VAMP1: variants seen among roughly 807,000 people sequenced by gnomAD.
VAMP1 encodes vesicle associated membrane protein 1.
VAMP1 carries 16 observed loss-of-function variants against 19.1 expected under a neutral mutation model. That is an observed-to-expected ratio of 0.84 (90% CI 0.57 to 1.27). The LOEUF (loss-of-function observed/expected upper bound fraction) is 1.27, where lower values mean the gene tolerates loss of function less well. Among genes scored for constraint, VAMP1 ranks in the 50% most tolerant of loss-of-function variants. The probability of loss-of-function intolerance (pLI) is 0.00; values close to 1 mark genes in which losing one functional copy is unlikely to be tolerated. For missense variants in VAMP1, 109 were observed against 145.4 expected (o/e 0.75, Z 1.29); for synonymous variants, 37 against 50.2 (o/e 0.74, Z 1.11).
Position 6,462,983 on chromosome 12 carries a change from G to C in VAMP1, c.*1487C>G. On this transcript the variant is annotated 3_prime_UTR_variant, in exon 5 of 5. Transcript: ENST00000396308. ...CTCAGCCTCTTCCTGTTCGTGGACCGAGGGAAGAAGGAATAAAGGGCCATG... is the reference window on the plus strand; with the variant it reads ...CTCAGCCTCTTCCTGTTCGTGGACCCAGGGAAGAAGGAATAAAGGGCCATG... 1.3e-6 allele frequency: 2 copies of C among 1,551,262 alleles called. No individual in the cohort carries two copies. The highest frequency in any genetic ancestry group is 1.7e-6 in the Non-Finnish European group (2 of 1,147,142).
Position 6,470,658 on chromosome 12 carries a change from T to C in VAMP1, c.-127A>G. On this transcript the variant is annotated 5_prime_UTR_variant, in exon 1 of 5. Coordinates refer to ENST00000396308, the MANE Select transcript of VAMP1 (RefSeq NM_014231.5). ...GCCTCGCGCCGACTACCCCGCGGTC[T>C]AGCTGCGCTGGAACTTACTGCAGCT... The C allele has an allele frequency of 2.4e-6, 3 of 1,275,992 alleles. No individual in the cohort carries two copies. The highest frequency in any genetic ancestry group is 2.5e-5 in the East Asian group (1 of 40,258). 79.0% of individuals were successfully genotyped at this position (1,275,992 alleles called of 1,614,324 possible).
chr12:6,470,380 G>A (rs1196037275), intron 1 of VAMP1, 150 bp downstream of exon 1: 4 of 1,196,372 alleles, frequency 3.3e-6, no homozygotes, highest in East Asian at 2.6e-5. Flanking sequence ...CCCCCTCCCT[G>A]GGGGTGGCCC....
At chr12:6,465,616 G>A (rs1373837507) in intron 3 of VAMP1, among the ~76,000 whole-genome samples, 1 of 151,560 alleles carries the variant, frequency 6.6e-6, no homozygotes, top group Non-Finnish European at 1.5e-5. Context: ...ACTCCTCAGG[G>A]TATCACTTTT....
In VAMP1 at chr12:6,464,466, ATTCTC is replaced by A; in HGVS notation, c.356_*3del. The A allele has an allele frequency of 6.4e-7, 1 of 1,550,630 alleles. No individual in the cohort carries two copies. Among genetic ancestry groups the A allele is most frequent in the South Asian group, 1.2e-5 (1 of 83,130 alleles). ...ATGGACAACAGGGAAGGGGTGGTAC[ATTCTC>A]AAGTAAAAAAGTAGACTGGACACAG... On this transcript the variant is annotated stop_lost and 3_prime_UTR_variant, in exon 5 of 5. Transcript: ENST00000396308.
At position 6,470,623 on chromosome 12, in the gene VAMP1, G is replaced by A. The variant is rs1012788950; in HGVS notation, c.-92C>T. The A allele has an allele frequency of 4.5e-6, 7 of 1,538,468 alleles. No homozygotes were observed. The highest frequency in any genetic ancestry group is 3.4e-5 in the South Asian group (3 of 88,316). ...CGCTGCGGCTGAAGTGGACGGAACTGCCAAGCTCCGCCTCGCGCCGACTAC... is the reference window on the plus strand; with the variant it reads ...CGCTGCGGCTGAAGTGGACGGAACTACCAAGCTCCGCCTCGCGCCGACTAC... On this transcript the variant is annotated 5_prime_UTR_variant, in exon 1 of 5. Coordinates refer to ENST00000396308, the MANE Select transcript of VAMP1 (RefSeq NM_014231.5).
rs1012244799 is a variant in VAMP1 at position 6,465,721 on chromosome 12, C to T, written c.288+121G>A. ...GAGGCTTTCCAGATTTCCTCCCAAG[C>T]GTTATGCTGGTCAGAGAGATCCTGC... On this transcript the variant is annotated intron_variant, in intron 3 of 4. Coordinates refer to ENST00000396308, the MANE Select transcript of VAMP1 (RefSeq NM_014231.5). 9.6e-6 allele frequency: 13 copies of T among 1,350,848 alleles called. No individual in the cohort carries two copies. In the East Asian group the frequency reaches 2.0e-4, roughly 20 times the overall value. 83.7% of individuals were successfully genotyped at this position (1,350,848 alleles called of 1,614,324 possible). A position where few individuals can be genotyped will look rare whatever the true frequency, so the allele number is the denominator to read the frequency against.
Position 6,470,650 on chromosome 12 carries a change from C to A in VAMP1, c.-119G>T, listed in dbSNP as rs894154939. ...CAAGCTCCGCCTCGCGCCGACTACC[C>A]CGCGGTCTAGCTGCGCTGGAACTTA... On this transcript the variant is annotated 5_prime_UTR_variant, in exon 1 of 5. Transcript: ENST00000396308. 2.2e-6 allele frequency: 3 copies of A among 1,355,892 alleles called. No homozygotes were observed. The highest frequency in any genetic ancestry group is 3.1e-6 in the Non-Finnish European group (3 of 964,702). 84.0% of individuals were successfully genotyped at this position (1,355,892 alleles called of 1,614,324 possible).
At chr12:6,467,642 A>G (rs1945661203) in intron 1 of VAMP1, among the ~76,000 whole-genome samples, 1 of 152,280 alleles carries the variant, frequency 6.6e-6, no homozygotes, top group Non-Finnish European at 1.5e-5. Context: ...ACCTAGTGTT[A>G]GCCCCTAAGA....
rs141124646 is a variant in VAMP1 at position 6,464,261 on chromosome 12, G to A, written c.*209C>T. On this transcript the variant is annotated 3_prime_UTR_variant, in exon 5 of 5. Transcript: ENST00000396308. ...GAGGAGGCGCCAGCTGTTGCTCTTC[G>A]GGTAATGACTTAGATTGTGCCACGA... is the stretch of plus-strand genomic sequence containing the variant. 29 of 1,526,060 alleles carry A rather than the reference G, an allele frequency of 1.9e-5. No individual in the cohort carries two copies. Among genetic ancestry groups the A allele is most frequent in the Middle Eastern group, 1.7e-4 (1 of 5,908 alleles). The allele number at this position is 1,526,060 out of a possible 1,614,324, so 94.5% of individuals were successfully genotyped here.
At chr12:6,468,949 A>C (rs1252401811) in intron 1 of VAMP1, among the ~76,000 whole-genome samples, 1 of 152,228 alleles carries the variant, frequency 6.6e-6, no homozygotes, top group African/African-American at 2.4e-5. Context: ...AATGCAACAA[A>C]AATGAAACCA....
intron 1 of VAMP1, among the ~76,000 whole-genome samples, chr12:6,470,277 CGAGAG>C (rs1945738079): frequency 6.6e-6 from 1 of 151,958 alleles, no homozygotes; most frequent in Non-Finnish European, 1.5e-5. Flanking sequence ...GCCACTCAGA[CGAGAG>C]GAGAGGGTGC....
At position 6,462,710 on chromosome 12, in the gene VAMP1, G is replaced by A. The variant is rs898646287; in HGVS notation, c.*1760C>T. 9 of 1,058,454 alleles carry A rather than the reference G, an allele frequency of 8.5e-6. No individual in the cohort carries two copies. The highest frequency in any genetic ancestry group is 2.7e-5 in the Admixed American group (1 of 36,882). 65.6% of individuals were successfully genotyped at this position (1,058,454 alleles called of 1,614,324 possible). ...ATTCGCTCCAGGCTTGGGACACATC[G>A]AGGACAGTGGTGGTTCTTCTCCAGC... is the stretch of plus-strand genomic sequence containing the variant. On this transcript the variant is annotated 3_prime_UTR_variant, in exon 5 of 5. Coordinates refer to ENST00000396308, the MANE Select transcript of VAMP1 (RefSeq NM_014231.5).
At chr12:6,465,401 A>ATGTATATATATATAC (rs1565526181) in intron 3 of VAMP1, 1 of 67,590 alleles carries the variant, frequency 1.5e-5, no homozygotes, top group Non-Finnish European at 3.3e-5. Flanking sequence ...TATATATATA[A>ATGTATATATATATAC]ATGTATATAT....
At chr12:6,470,479 G>A (rs1945745522) in intron 1 of VAMP1, 51 bp downstream of exon 1, 2 of 1,613,264 alleles carry the variant, frequency 1.2e-6, no homozygotes, top group Non-Finnish European at 1.7e-6. Flanking sequence ...CGGGAGCTTG[G>A]GGCGAGAGTT....
Position 6,462,528 on chromosome 12 carries a change from T to C in VAMP1, c.*1942A>G, listed in dbSNP as rs1248181932. On this transcript the variant is annotated 3_prime_UTR_variant, in exon 5 of 5. Transcript: ENST00000396308. Reference sequence around the variant, plus strand: ...CATGGGTGGTGGGAGGAAAGGGGGATAGCAGAGACACACAGAAGAGGGTAC... The same window carrying C: ...CATGGGTGGTGGGAGGAAAGGGGGACAGCAGAGACACACAGAAGAGGGTAC... 9 of 506,952 alleles carry C rather than the reference T, an allele frequency of 1.8e-5. No individual in the cohort carries two copies. In the South Asian group the frequency reaches 2.8e-4, roughly 16 times the overall value. 31.4% of individuals were successfully genotyped at this position (506,952 alleles called of 1,614,324 possible).
At chr12:6,466,647 T>G in intron 1 of VAMP1, 1 of 249,086 alleles carries the variant, frequency 4.0e-6, no homozygotes, top group Non-Finnish European at 7.8e-6. Flanking sequence ...AGACAAACCA[T>G]AGAGGCAAGA....
At position 6,463,317 on chromosome 12, in the gene VAMP1, G is replaced by A. The variant is rs1032963451; in HGVS notation, c.*1153C>T. 3 of 1,195,054 alleles carry A rather than the reference G, an allele frequency of 2.5e-6. No individual in the cohort carries two copies. Among genetic ancestry groups the A allele is most frequent in the Admixed American group, 4.2e-5 (1 of 24,010 alleles). 74.0% of individuals were successfully genotyped at this position (1,195,054 alleles called of 1,614,324 possible). A position where few individuals can be genotyped will look rare whatever the true frequency, so the allele number is the denominator to read the frequency against. On this transcript the variant is annotated 3_prime_UTR_variant, in exon 5 of 5. Coordinates refer to ENST00000396308, the MANE Select transcript of VAMP1 (RefSeq NM_014231.5). The surrounding 1 kb of genome is among the most constrained non-coding windows in gnomAD (Gnocchi z 4.0). ...AAGCACACCTGACACAGGCTGGCAC[G>A]CCTCCCCCCAAGGTGGGGCTGGTGG...
At position 6,470,657 on chromosome 12, in the gene VAMP1, C is replaced by A; in HGVS notation, c.-126G>T. The stretch of plus-strand genomic sequence containing the variant: ...CGCCTCGCGCCGACTACCCCGCGGT[C>A]TAGCTGCGCTGGAACTTACTGCAGC... On this transcript the variant is annotated 5_prime_UTR_variant, in exon 1 of 5. Transcript: ENST00000396308. The A allele has an allele frequency of 7.8e-7, 1 of 1,279,898 alleles. No individual in the cohort carries two copies. The highest frequency in any genetic ancestry group is 2.5e-5 in the East Asian group (1 of 40,290). The allele number at this position is 1,279,898 out of a possible 1,614,324, so 79.3% of individuals were successfully genotyped here.
chr12:6,463,316 C>A lies in VAMP1; in HGVS notation c.*1154G>T. The A allele has an allele frequency of 8.4e-7, 1 of 1,195,470 alleles. No homozygotes were observed. Among genetic ancestry groups the A allele is most frequent in the South Asian group, 2.1e-5 (1 of 46,876 alleles). 74.1% of individuals were successfully genotyped at this position (1,195,470 alleles called of 1,614,324 possible). ...CAAGCACACCTGACACAGGCTGGCACGCCTCCCCCCAAGGTGGGGCTGGTG... is the reference window on the plus strand; with the variant it reads ...CAAGCACACCTGACACAGGCTGGCAAGCCTCCCCCCAAGGTGGGGCTGGTG... On this transcript the variant is annotated 3_prime_UTR_variant, in exon 5 of 5. Coordinates refer to ENST00000396308, the MANE Select transcript of VAMP1 (RefSeq NM_014231.5). The surrounding 1 kb of genome is among the most constrained non-coding windows in gnomAD (Gnocchi z 4.0).
Sources: gnomAD v4.1 joint callset for allele counts (sites outside exome capture counted in the v4.1 genomes callset) on GRCh38, gnomAD v4.1.1 for gene constraint, Gnocchi (gnomAD v3.1) non-coding constraint, MANE v1.5 for transcripts, NCBI Gene and HGNC (gene_info 2026-07-23, HGNC 2026-07-21) for gene names.